COLEC10: variants seen among roughly 807,000 people sequenced by gnomAD.
COLEC10 encodes collectin-10.
In COLEC10, 22 loss-of-function variants were observed where a neutral mutation model predicts 28.4. The observed-to-expected ratio is 0.78, with a 90% confidence interval of 0.55 to 1.11. COLEC10 has a LOEUF of 1.11. Ranked by LOEUF, COLEC10 falls within the 50% of genes least tolerant of loss-of-function variation. COLEC10 has a pLI of 0.00. For synonymous variants in COLEC10, 125 were observed against 116.1 expected (o/e 1.08, Z -0.49); for missense variants, 361 against 344.1 (o/e 1.05, Z -0.39).
intron 1 of COLEC10, among the ~76,000 whole-genome samples, chr8:119,007,560 A>G (rs375911409): frequency 1.3e-5 from 2 of 151,188 alleles, no homozygotes; most frequent in African/African-American, 4.9e-5. Flanking sequence ...GGAAGTGATG[A>G]ATGATTTACA....
chr8:119,084,972 C>G (rs968984936), intron 1 of COLEC10, among the ~76,000 whole-genome samples: 6 of 152,290 alleles, frequency 3.9e-5, no homozygotes, highest in African/African-American at 4.8e-5. Context: ...CTCATTAAAG[C>G]AGACACTGAT....
In COLEC10 at chr8:119,106,075, A is replaced by G; in HGVS notation, c.718A>G (p.Ser240Gly). 6.2e-7 allele frequency: 1 copy of G among 1,613,948 alleles called. No homozygotes were observed. Among genetic ancestry groups the G allele is most frequent in the Non-Finnish European group, 8.5e-7 (1 of 1,179,888 alleles). Residue 240 changes from serine (S) to glycine (G), a missense_variant, in exon 6 of 6, where the codon AGC (serine) becomes GGC (glycine). This residue lies in a region of COLEC10 where 335 missense variants were observed against 308.5 expected (regional missense o/e 1.09). Coordinates refer to ENST00000332843, the MANE Select transcript of COLEC10 (RefSeq NM_006438.5). Reference protein sequence around the residue: ...NYSNWNEGEPSDPYGHEDCVE... With the variant: ...NYSNWNEGEPGDPYGHEDCVE... ...TAGCAACTGGAATGAGGGGGAACCC[A>G]GCGACCCCTATGGTCATGAGGACTG...
chr8:118,980,337 C>T, the COLEC10 span, among the ~76,000 whole-genome samples: 3 of 151,582 alleles, frequency 2.0e-5, no homozygotes, highest in Admixed American at 6.6e-5. Flanking sequence ...GAATTACAGG[C>T]GAACACCACC....
At chr8:119,048,706 C>T (rs953018853) in intron 2 of COLEC10, among the ~76,000 whole-genome samples, 2 of 151,918 alleles carry the variant, frequency 1.3e-5, no homozygotes, top group African/African-American at 4.9e-5. Flanking sequence ...TTAATCCATC[C>T]CCCGACTTGG....
rs1815962827 is a variant in COLEC10, at chr8:119,107,061, T to C, written c.*870T>C. On this transcript the variant is annotated 3_prime_UTR_variant, in exon 6 of 6. Coordinates refer to ENST00000332843, the MANE Select transcript of COLEC10 (RefSeq NM_006438.5). ...ACTTCATTTTTATTTATCTTAGGTT[T>C]ACCTGCATCAATTTTATTCACCTTA... Among the ~76,000 whole-genome samples, 1 of 152,202 alleles carries C rather than the reference T, an allele frequency of 6.6e-6. No individual in the cohort carries two copies.
intron 1 of COLEC10, among the ~76,000 whole-genome samples, chr8:119,089,230 A>G (rs1186371048): frequency 1.3e-5 from 2 of 152,168 alleles, no homozygotes; most frequent in Admixed American, 1.3e-4. Flanking sequence ...TGGCTTCTCC[A>G]TTCCTAGTCT....
chr8:119,089,884 T>A lies in COLEC10; in HGVS notation c.220+133T>A, dbSNP rs375059160. On this transcript the variant is annotated intron_variant, in intron 2 of 5. Transcript: ENST00000332843. ...CAATGCCTGAAATATATTTCACACA[T>A]GAATTAACTCGCCATCTGAATGCCC... 22 of 673,546 alleles carry A rather than the reference T, an allele frequency of 3.3e-5. No homozygotes were observed. The African/African-American group carries it at 3.8e-4, about 12-fold the overall frequency. 41.7% of individuals were successfully genotyped at this position (673,546 alleles called of 1,614,324 possible).
upstream of COLEC10, among the ~76,000 whole-genome samples, chr8:118,994,562 GA>G (rs566684599): frequency 1.1e-4 from 17 of 152,262 alleles, no homozygotes; most frequent in East Asian, 3.3e-3. Context: ...TTCAGACAAG[GA>G]AACAAAGTCG....
chr8:119,032,460 T>A (rs1814305735), intron 2 of COLEC10, among the ~76,000 whole-genome samples: 1 of 152,128 alleles, frequency 6.6e-6, no homozygotes, highest in African/African-American at 2.4e-5. Context: ...TTGGTTCAAT[T>A]CATATATTCG....
chr8:119,064,231 C>T (rs949067823), upstream of COLEC10, among the ~76,000 whole-genome samples: 1 of 151,918 alleles, frequency 6.6e-6, no homozygotes, highest in African/African-American at 2.4e-5. Flanking sequence ...TTCTCTGTAG[C>T]AATTTAAATT....
chr8:118,981,603 A>G, the COLEC10 span, among the ~76,000 whole-genome samples: 28 of 152,094 alleles, frequency 1.8e-4, no homozygotes, highest in Non-Finnish European at 4.0e-4. Context: ...TTGCTGTAGT[A>G]ATTCTATTTC....
At chr8:119,051,154 A>G (rs528533433) in intron 2 of COLEC10, among the ~76,000 whole-genome samples, 1 of 152,306 alleles carries the variant, frequency 6.6e-6, no homozygotes, top group East Asian at 1.9e-4. Flanking sequence ...AAGTTGTGTA[A>G]TAAAATAAAA....
the COLEC10 span, among the ~76,000 whole-genome samples, chr8:118,965,325 T>C: frequency 5.9e-5 from 9 of 152,246 alleles, no homozygotes; most frequent in East Asian, 1.7e-3. Flanking sequence ...TTGGGTTTTG[T>C]TCTTACGTTT....
intron 4 of COLEC10, among the ~76,000 whole-genome samples, chr8:119,103,007 G>C (rs1815869012): frequency 6.6e-6 from 1 of 152,110 alleles, no homozygotes; most frequent in East Asian, 1.9e-4. Flanking sequence ...TAAGGCCATA[G>C]ATTTTTTTCC....
At chr8:119,085,297 C>G (rs1815450506) in intron 1 of COLEC10, among the ~76,000 whole-genome samples, 1 of 152,066 alleles carries the variant, frequency 6.6e-6, no homozygotes, top group African/African-American at 2.4e-5. Flanking sequence ...TAGCAGGTCC[C>G]AATGAGGCCT....
intron 2 of COLEC10, among the ~76,000 whole-genome samples, chr8:119,038,147 C>T (rs1429991910): frequency 6.6e-6 from 1 of 152,180 alleles, no homozygotes; most frequent in Non-Finnish European, 1.5e-5. Flanking sequence ...TGAAAATCAA[C>T]ATAGTAAGAT....
upstream of COLEC10, among the ~76,000 whole-genome samples, chr8:118,992,914 TG>T (rs1403834086): frequency 6.6e-6 from 1 of 152,218 alleles, no homozygotes; most frequent in Non-Finnish European, 1.5e-5. Context: ...ATTATCATTA[TG>T]AACCTTAATT....
intron 2 of COLEC10, among the ~76,000 whole-genome samples, chr8:119,025,974 G>A (rs369123774): frequency 5.3e-5 from 8 of 152,056 alleles, no homozygotes; most frequent in African/African-American, 1.2e-4. Context: ...CACCAAAGCC[G>A]TTGAACTCTT....
chr8:119,043,629 G>C (rs940160619), intron 2 of COLEC10, among the ~76,000 whole-genome samples: 1 of 152,100 alleles, frequency 6.6e-6, no homozygotes, highest in Non-Finnish European at 1.5e-5. Flanking sequence ...ATCACCAACA[G>C]TACATTCCCG....
Sources: allele counts gnomAD v4.1 joint callset (sites outside exome capture counted in the v4.1 genomes callset), GRCh38; gene constraint gnomAD v4.1.1; regional missense constraint gnomAD v4.1.1; transcripts MANE v1.5; gene names NCBI Gene and HGNC (gene_info 2026-07-23, HGNC 2026-07-21).